DLGAP1: variants seen among roughly 807,000 people sequenced by gnomAD.
DLGAP1 encodes the protein disks large-associated protein 1.
A neutral mutation model predicts 90.8 loss-of-function variants in DLGAP1; 11 were observed. That is an observed-to-expected ratio of 0.12 (90% CI 0.08 to 0.20). The LOEUF is 0.20. DLGAP1 is among the 10% of genes least tolerant of loss of function. The pLI is 1.00. For synonymous variants in DLGAP1, 558 were observed against 540.7 expected, an observed-to-expected ratio of 1.03 and a Z score of -0.44; for missense variants, 1,050 against 1,333.8, an observed-to-expected ratio of 0.79 and a Z score of 3.31.
chr18:4,203,132 G>T (rs1355994399), intron 1 of DLGAP1, among the ~76,000 whole-genome samples: 1 of 152,068 alleles, frequency 6.6e-6, no homozygotes, highest in East Asian at 1.9e-4. Flanking sequence ...AAAATTAGCT[G>T]GGCGTGGTGG....
intron 1 of DLGAP1, among the ~76,000 whole-genome samples, chr18:4,186,644 T>G (rs1210511104): frequency 6.6e-6 from 1 of 152,206 alleles, no homozygotes; most frequent in Non-Finnish European, 1.5e-5. Flanking sequence ...TGTGTCTTTT[T>G]TTGTACCAGT....
intron 3 of DLGAP1, among the ~76,000 whole-genome samples, chr18:3,881,583 A>G (rs1000656284): frequency 2.0e-5 from 3 of 152,180 alleles, no homozygotes; most frequent in Non-Finnish European, 2.9e-5. Context: ...AGCACACAGT[A>G]ATAGCACTCC....
intron 2 of DLGAP1, among the ~76,000 whole-genome samples, chr18:4,036,337 T>A (rs1375492378): frequency 6.6e-6 from 1 of 152,190 alleles, no homozygotes. Flanking sequence ...GGAAGAATCT[T>A]GGAGAGCATT....
intron 1 of DLGAP1, among the ~76,000 whole-genome samples, chr18:4,275,609 T>TC (rs1436130142): frequency 1.3e-5 from 2 of 151,888 alleles, no homozygotes; most frequent in South Asian, 2.1e-4. Flanking sequence ...GTTTTTTTTT[T>TC]TCTCTCGCTA....
rs368091366 is a variant in DLGAP1 at position 3,687,039 on chromosome 18, C to T, written c.1591+42096G>A. 3.9e-5 allele frequency among the ~76,000 whole-genome samples: 6 copies of T among 152,096 alleles called. No individual in the cohort carries two copies. The South Asian group carries it at 1.2e-3, about 31-fold the overall frequency. ...TGCTGGCTTTGAAGATGGAAGGGGC[C>T]AACAGCCAAGGAATGTGGGTGGCCT... On this transcript the variant is annotated intron_variant, in intron 7 of 12. Coordinates refer to ENST00000315677, the MANE Select transcript of DLGAP1 (RefSeq NM_004746.4).
intron 1 of DLGAP1, among the ~76,000 whole-genome samples, chr18:4,199,612 A>G (rs560627613): frequency 2.2e-4 from 34 of 152,310 alleles, no homozygotes; most frequent in African/African-American, 7.9e-4. Context: ...TAACAGCCAC[A>G]TCTACAGGGA....
At chr18:3,902,161 T>A (rs2071798435) in intron 3 of DLGAP1, among the ~76,000 whole-genome samples, 1 of 152,222 alleles carries the variant, frequency 6.6e-6, no homozygotes, top group South Asian at 2.1e-4. Flanking sequence ...TGATTGTGTA[T>A]TTTGAACACC....
intron 2 of DLGAP1, among the ~76,000 whole-genome samples, chr18:4,086,228 C>A (rs57739233): frequency 0.28 from 43,042 of 151,910 alleles, 6,468 homozygotes; most frequent in African/African-American, 0.33. Context: ...AAAGAAGGTT[C>A]AAAAGGCATC....
At position 3,499,573 on chromosome 18, in the gene DLGAP1, GAA is replaced by G. The variant is rs111687370; in HGVS notation, c.2725-181_2725-180del. On this transcript the variant is annotated intron_variant, in intron 12 of 12. Coordinates refer to ENST00000315677, the MANE Select transcript of DLGAP1 (RefSeq NM_004746.4). This position sits in a 1 kb window ranked among gnomAD's most constrained non-coding sequence, Gnocchi z 6.4. ...CTGGCTTGGGCATTCAAAAGATGCA[GAA>G]AAAAAAAAATCCCGGTAAGCTTAAG... Among the ~76,000 whole-genome samples the G allele has an allele frequency of 6.7e-6, 1 of 148,658 alleles. No homozygotes were observed. The highest frequency in any genetic ancestry group is 2.5e-5 in the African/African-American group (1 of 40,680).
chr18:4,113,739 C>T (rs185103989), intron 2 of DLGAP1, among the ~76,000 whole-genome samples: 233 of 151,694 alleles, frequency 1.5e-3, no homozygotes, highest in Non-Finnish European at 1.2e-3. Context: ...GAATAAAAGT[C>T]TGAAATCTTA....
intron 7 of DLGAP1, among the ~76,000 whole-genome samples, chr18:3,611,966 A>G (rs528758494): frequency 2.2e-4 from 34 of 152,356 alleles, no homozygotes; most frequent in African/African-American, 7.7e-4. Flanking sequence ...TACCATGGTA[A>G]CAAGCCAGAG....
chr18:4,033,033 T>A (rs1219026194), intron 2 of DLGAP1, among the ~76,000 whole-genome samples: 5 of 152,330 alleles, frequency 3.3e-5, no homozygotes, highest in African/African-American at 1.2e-4. Flanking sequence ...TCTTTCCAAG[T>A]GCAGCTCTTA....
At chr18:4,319,991 C>T (rs2080637336) in intron 1 of DLGAP1, among the ~76,000 whole-genome samples, 1 of 152,240 alleles carries the variant, frequency 6.6e-6, no homozygotes, top group Middle Eastern at 3.4e-3. Context: ...CCTCCATTCT[C>T]CCTCCAACCT....
intron 1 of DLGAP1, among the ~76,000 whole-genome samples, chr18:4,384,032 ACAAGCAATTT>A (rs1366071586): frequency 1.3e-5 from 2 of 152,178 alleles, no homozygotes; most frequent in Admixed American, 6.5e-5. Context: ...GAGCCATGCG[ACAAGCAATTT>A]CACCCTCTCA....
chr18:3,699,753 A>C (rs1430993826), intron 7 of DLGAP1, among the ~76,000 whole-genome samples: 1 of 152,190 alleles, frequency 6.6e-6, no homozygotes, highest in Non-Finnish European at 1.5e-5. Flanking sequence ...CCCTTCCCCC[A>C]GGTGCTCTGT....
intron 7 of DLGAP1, among the ~76,000 whole-genome samples, chr18:3,668,160 T>C (rs2059947591): frequency 6.6e-6 from 1 of 152,216 alleles, no homozygotes; most frequent in Non-Finnish European, 1.5e-5. Context: ...AGATGGCACA[T>C]AAGCCCCAAA....
chr18:4,376,500 T>A (rs1313451996), intron 1 of DLGAP1, among the ~76,000 whole-genome samples: 1 of 152,198 alleles, frequency 6.6e-6, no homozygotes, highest in Non-Finnish European at 1.5e-5. Flanking sequence ...CAACCACAGA[T>A]AATAGGCATC....
intron 8 of DLGAP1, chr18:3,580,584 C>T: frequency 6.3e-7 from 1 of 1,586,914 alleles, no homozygotes; most frequent in Non-Finnish European, 8.6e-7. Flanking sequence ...GAGGAGGTGC[C>T]CATGGAGACT....
intron 1 of DLGAP1, among the ~76,000 whole-genome samples, chr18:4,193,662 T>C (rs913934577): frequency 6.6e-6 from 1 of 152,232 alleles, no homozygotes; most frequent in African/African-American, 2.4e-5. Context: ...TTTTATGGTA[T>C]TTGGAGAAAA....
Sources: allele counts gnomAD v4.1 joint callset (sites outside exome capture counted in the v4.1 genomes callset), GRCh38; gene constraint gnomAD v4.1.1; non-coding constraint Gnocchi (gnomAD v3.1); transcripts MANE v1.5; gene names NCBI Gene and HGNC (gene_info 2026-07-23, HGNC 2026-07-21).